The following ARHGAP42 variants were observed in gnomAD, a reference collection of about 807,000 sequenced individuals.
The protein encoded by ARHGAP42 is rho GTPase-activating protein 42.
In ARHGAP42, 63 loss-of-function variants were observed where a neutral mutation model predicts 125.0. The ratio of observed to expected loss-of-function variants is 0.50; its 90% CI spans 0.41 to 0.62. The LOEUF is 0.62. Among genes scored for constraint, ARHGAP42 ranks in the 20% least tolerant of loss-of-function variants. ARHGAP42 has a pLI of 0.00. For missense variants in ARHGAP42, 766 were observed against 1,024.2 expected (o/e 0.75, Z 3.44); for synonymous variants, 339 against 351.0 (o/e 0.97, Z 0.38).
intron 22 of ARHGAP42, among the ~76,000 whole-genome samples, chr11:100,985,765 G>A (rs1387155148): frequency 6.6e-6 from 1 of 152,156 alleles, no homozygotes; most frequent in Non-Finnish European, 1.5e-5. Flanking sequence ...ACTGGAGGCA[G>A]GTCCAGAATT....
At chr11:100,889,427 A>G (rs1227319553) in intron 4 of ARHGAP42, among the ~76,000 whole-genome samples, 1 of 152,154 alleles carries the variant, frequency 6.6e-6, no homozygotes. Context: ...AGGAGGCAGC[A>G]TCAAGGTGCC....
chr11:100,988,819 C>T lies in ARHGAP42; in HGVS notation c.*18C>T, dbSNP rs1435272436. ...TCCTCTAATACTATTTAGTGGATGG[C>T]AGTATCTTCATGGTATCCATGGTAA... On this transcript the variant is annotated 3_prime_UTR_variant, in exon 24 of 24. Coordinates refer to ENST00000298815, the MANE Select transcript of ARHGAP42 (RefSeq NM_152432.4). 1 of 1,500,248 alleles carries T rather than the reference C, an allele frequency of 6.7e-7. No individual in the cohort carries two copies. Among genetic ancestry groups the T allele is most frequent in the Non-Finnish European group, 9.1e-7 (1 of 1,102,930 alleles). The allele number at this position is 1,500,248 out of a possible 1,614,324, so 92.9% of individuals were successfully genotyped here.
intron 11 of ARHGAP42, among the ~76,000 whole-genome samples, chr11:100,948,783 A>G (rs11224536): frequency 0.02 from 3,000 of 152,212 alleles, 49 homozygotes; most frequent in Middle Eastern, 0.058. Context: ...TTCTTAAAAA[A>G]TTACTTACAC....
In ARHGAP42 at chr11:100,992,569, G is replaced by A. The variant is rs1471440155; in HGVS notation, c.*3768G>A. The A allele has an allele frequency of 6.2e-7, 1 of 1,613,948 alleles. No individual in the cohort carries two copies. Among genetic ancestry groups the A allele is most frequent in the Non-Finnish European group, 8.5e-7 (1 of 1,179,978 alleles). ...TGTTGATTCGCAGATGTAATATCGA[G>A]TATTCATCAACTGGTCTCAATTTCC... On this transcript the variant is annotated 3_prime_UTR_variant, in exon 24 of 24. Transcript: ENST00000298815.
chr11:100,881,463 C>T (rs1865960237), intron 4 of ARHGAP42, among the ~76,000 whole-genome samples: 1 of 152,148 alleles, frequency 6.6e-6, no homozygotes, highest in African/African-American at 2.4e-5. Context: ...CAGTACCGTG[C>T]TGTTTTGGTG....
intron 4 of ARHGAP42, among the ~76,000 whole-genome samples, chr11:100,895,847 A>C (rs1866343521): frequency 6.6e-6 from 1 of 151,824 alleles, no homozygotes. Context: ...CTTTTATTTT[A>C]TTTTTTATTA....
chr11:100,986,214 A>G, intron 22 of ARHGAP42: 1 of 401,578 alleles, frequency 2.5e-6, no homozygotes, highest in Admixed American at 3.0e-5. Context: ...GCAGGAAGAT[A>G]TGATAGTTCC....
intron 3 of ARHGAP42, among the ~76,000 whole-genome samples, chr11:100,843,873 C>G (rs1437399719): frequency 6.6e-6 from 1 of 152,070 alleles, no homozygotes; most frequent in African/African-American, 2.4e-5. Context: ...ACCATACTGC[C>G]AAAAGCAATC....
chr11:100,807,777 C>T (rs1226890051), intron 3 of ARHGAP42, among the ~76,000 whole-genome samples: 4 of 152,308 alleles, frequency 2.6e-5, no homozygotes, highest in East Asian at 1.9e-4. Flanking sequence ...TAGTTTTATA[C>T]GTTTTACTTT....
At chr11:100,887,744 C>T (rs1274322593) in intron 4 of ARHGAP42, among the ~76,000 whole-genome samples, 1 of 152,202 alleles carries the variant, frequency 6.6e-6, no homozygotes, top group Non-Finnish European at 1.5e-5. Flanking sequence ...CTGGGCTCCT[C>T]AGTTGCAGAA....
At chr11:100,729,231 T>G (rs1457755912) in intron 1 of ARHGAP42, among the ~76,000 whole-genome samples, 1 of 151,900 alleles carries the variant, frequency 6.6e-6, no homozygotes, top group Non-Finnish European at 1.5e-5. Context: ...AGGATGTCAC[T>G]TTTTTTTAAA....
chr11:100,897,132 CAA>C (rs1054711193), intron 4 of ARHGAP42, among the ~76,000 whole-genome samples: 13 of 152,114 alleles, frequency 8.5e-5, no homozygotes, highest in African/African-American at 3.1e-4. Context: ...TCAGGTTTGT[CAA>C]AGATCAGATG....
At chr11:100,893,852 T>G (rs1241966289) in intron 4 of ARHGAP42, among the ~76,000 whole-genome samples, 2 of 152,154 alleles carry the variant, frequency 1.3e-5, no homozygotes, top group Admixed American at 6.6e-5. Flanking sequence ...ATATTTATTT[T>G]AGGTTTTCTC....
intron 3 of ARHGAP42, among the ~76,000 whole-genome samples, chr11:100,837,666 C>CTATTATTTATTTTTTTTTTTTT (rs1555008871): frequency 1.6e-5 from 1 of 61,040 alleles, no homozygotes. Context: ...AGGTGTCATC[C>CTATTATTTATTTTTTTTTTTTT]TTTTTTTTTT....
chr11:100,771,662 G>A lies in ARHGAP42; in HGVS notation c.250+1224G>A, dbSNP rs150720707. Among the ~76,000 whole-genome samples, 195 of 151,676 alleles carry A rather than the reference G, an allele frequency of 1.3e-3. 1 individual carries two copies. Among genetic ancestry groups the A allele is most frequent in the African/African-American group, 4.5e-3 (187 of 41,352 alleles). ...CGCCCAGGCTGGAGTGCAGTGGCAC[G>A]ATCTCGGCTCACTGCACCCTCCGCT... On this transcript the variant is annotated intron_variant, in intron 2 of 23. Coordinates refer to ENST00000298815, the MANE Select transcript of ARHGAP42 (RefSeq NM_152432.4).
chr11:100,881,031 T>C (rs1379210192), intron 4 of ARHGAP42, among the ~76,000 whole-genome samples: 4 of 152,298 alleles, frequency 2.6e-5, no homozygotes, highest in African/African-American at 7.2e-5. Context: ...TGCCACCCTG[T>C]GGGTTGTCTG....
chr11:100,878,469 A>G, intron 4 of ARHGAP42, among the ~76,000 whole-genome samples: 1 of 152,150 alleles, frequency 6.6e-6, no homozygotes, highest in Non-Finnish European at 1.5e-5. Flanking sequence ...TCCAATTACT[A>G]ATGCTTAGAA....
intron 1 of ARHGAP42, among the ~76,000 whole-genome samples, chr11:100,734,489 C>A (rs1420104883): frequency 6.6e-6 from 1 of 151,958 alleles, no homozygotes; most frequent in Non-Finnish European, 1.5e-5. Context: ...CCATGTTGGT[C>A]AGGCTGGTCT....
At position 100,992,342 on chromosome 11, in the gene ARHGAP42, C is replaced by T; in HGVS notation, c.*3541C>T. ...ACATCACTGCGTAGGACCCGGAAAT[C>T]ACATCTCCTGGTCAGGTCACGAAAA... is the stretch of plus-strand genomic sequence containing the variant. On this transcript the variant is annotated 3_prime_UTR_variant, in exon 24 of 24. Coordinates refer to ENST00000298815, the MANE Select transcript of ARHGAP42 (RefSeq NM_152432.4). 2 of 1,611,264 alleles carry T rather than the reference C, an allele frequency of 1.2e-6. No homozygotes were observed. Among genetic ancestry groups the T allele is most frequent in the South Asian group, 2.2e-5 (2 of 90,432 alleles).
Sources: gnomAD v4.1 joint callset for allele counts (sites outside exome capture counted in the v4.1 genomes callset) on GRCh38, gnomAD v4.1.1 for gene constraint, MANE v1.5 for transcripts, NCBI Gene and HGNC (gene_info 2026-07-23, HGNC 2026-07-21) for gene names.